Variants in TUBA1C observed in about 807,000 individuals in gnomAD.
The protein encoded by TUBA1C is tubulin alpha 1c.
In TUBA1C, 16 loss-of-function variants were observed where a neutral mutation model predicts 34.9. That is an observed-to-expected ratio of 0.46 (90% CI 0.31 to 0.70). The LOEUF (loss-of-function observed/expected upper bound fraction) is 0.70, where lower values mean the gene tolerates loss of function less well. Ranked by LOEUF, TUBA1C falls within the 30% of genes least tolerant of loss-of-function variation. TUBA1C has a pLI of 0.05. For synonymous variants in TUBA1C, 177 were observed against 215.9 expected, an observed-to-expected ratio of 0.82 and a Z score of 1.58; for missense variants, 329 against 587.3, an observed-to-expected ratio of 0.56 and a Z score of 4.55.
chr12:49,249,283 C>T (rs1169806628), intron 1 of TUBA1C, among the ~76,000 whole-genome samples: 1 of 151,938 alleles, frequency 6.6e-6, no homozygotes, highest in Non-Finnish European at 1.5e-5. Flanking sequence ...CAAAATTAGC[C>T]GGGTGTGGTG....
At chr12:49,255,431 T>TATATATATATATA in intron 1 of TUBA1C, among the ~76,000 whole-genome samples, 2 of 149,186 alleles carry the variant, frequency 1.3e-5, no homozygotes, top group African/African-American at 4.9e-5. Flanking sequence ...TATATATATA[T>TATATATATATATA]TTCTCTGATA....
At chr12:49,228,195 A>G (rs1479432857) in intron 1 of TUBA1C, 1 of 1,532,526 alleles carries the variant, frequency 6.5e-7, no homozygotes, top group East Asian at 2.4e-5. Flanking sequence ...TGTAATGTAA[A>G]TAGCTTCATC....
At chr12:49,235,152 CAA>C (rs1486439488) in intron 1 of TUBA1C, among the ~76,000 whole-genome samples, 1 of 151,024 alleles carries the variant, frequency 6.6e-6, no homozygotes, top group East Asian at 1.9e-4. Context: ...ATTGCGTAAT[CAA>C]AAAGTCTTTT....
At chr12:49,246,058 C>A (rs890075085) in intron 1 of TUBA1C, among the ~76,000 whole-genome samples, 1 of 152,110 alleles carries the variant, frequency 6.6e-6, no homozygotes, top group Non-Finnish European at 1.5e-5. Context: ...GCATGCGCCA[C>A]CACGCCCACC....
At chr12:49,239,062 C>T (rs1399674388) in intron 1 of TUBA1C, among the ~76,000 whole-genome samples, 1 of 152,192 alleles carries the variant, frequency 6.6e-6, no homozygotes, top group Non-Finnish European at 1.5e-5. Flanking sequence ...TGGCTGGTTC[C>T]CCTGGCAACC....
intron 1 of TUBA1C, among the ~76,000 whole-genome samples, chr12:49,252,162 T>C (rs1273945278): frequency 6.6e-6 from 1 of 152,220 alleles, no homozygotes; most frequent in African/African-American, 2.4e-5. Flanking sequence ...CAGAATATGA[T>C]GCTAGGTGGC....
At chr12:49,271,675 T>C (rs149866706) in intron 3 of TUBA1C, among the ~76,000 whole-genome samples, 21 of 152,220 alleles carry the variant, frequency 1.4e-4, no homozygotes, top group Non-Finnish European at 2.9e-4. Context: ...TATTCTGTTG[T>C]TCCACCTCAG....
chr12:49,253,602 A>G (rs1289341713), intron 1 of TUBA1C, among the ~76,000 whole-genome samples: 1 of 152,144 alleles, frequency 6.6e-6, no homozygotes, highest in African/African-American at 2.4e-5. Flanking sequence ...TGGCACCAAC[A>G]TGGCTAACTT....
chr12:49,229,819 G>C (rs759706818), intron 1 of TUBA1C, among the ~76,000 whole-genome samples: 2 of 151,722 alleles, frequency 1.3e-5, no homozygotes, highest in African/African-American at 2.4e-5. Flanking sequence ...TTGAGATGGA[G>C]TCTTGCTCTG....
intron 1 of TUBA1C, among the ~76,000 whole-genome samples, chr12:49,266,824 G>C (rs1472283335): frequency 3.3e-5 from 5 of 152,292 alleles, no homozygotes; most frequent in South Asian, 2.1e-4. Flanking sequence ...ACTCCAGCGA[G>C]ACCTTATCTC....
At chr12:49,236,189 A>G (rs937879283) in intron 1 of TUBA1C, among the ~76,000 whole-genome samples, 1 of 152,254 alleles carries the variant, frequency 6.6e-6, no homozygotes, top group Non-Finnish European at 1.5e-5. Flanking sequence ...TTTTCTATTT[A>G]GAAGACTTCA....
At chr12:49,266,255 C>G (rs966234876) in intron 1 of TUBA1C, among the ~76,000 whole-genome samples, 2 of 131,680 alleles carry the variant, frequency 1.5e-5, no homozygotes, top group African/African-American at 5.8e-5. Context: ...GAAACCCCGT[C>G]TCTACTAAAA....
chr12:49,239,684 T>C (rs1423251535), intron 1 of TUBA1C, among the ~76,000 whole-genome samples: 1 of 149,572 alleles, frequency 6.7e-6, no homozygotes, highest in Non-Finnish European at 1.5e-5. Flanking sequence ...TGAAGCTGGG[T>C]GCAGCTGCGT....
At chr12:49,265,259 A>T (rs1942890144) in intron 1 of TUBA1C, 75 bp downstream of exon 1, 1 of 1,328,964 alleles carries the variant, frequency 7.5e-7, no homozygotes, top group East Asian at 2.5e-5. Flanking sequence ...TACTGCCTGC[A>T]CCTCGGGCCG....
In TUBA1C at chr12:49,269,848, T is replaced by C. The variant is rs1457614465; in HGVS notation, c.247T>C (p.Tyr83His). The C allele has an allele frequency of 6.2e-7, 1 of 1,613,654 alleles. No individual in the cohort carries two copies. The highest frequency in any genetic ancestry group is 1.3e-5 in the African/African-American group (1 of 74,740). ...TVIDEVRTGT[Y>H]RQLFHPEQLI... ...TCCAGATGAAGTTCGCACTGGCACT[T>C]ACCGCCAGCTCTTCCACCCTGAGCA... The change falls in exon 3 of 4, where the codon TAC becomes CAC. Residue 83 changes from tyrosine (Y) to histidine (H), a missense_variant. Transcript: ENST00000301072.
chr12:49,264,383 G>T (rs1592284644), upstream of TUBA1C, among the ~76,000 whole-genome samples: 1 of 152,344 alleles, frequency 6.6e-6, no homozygotes, highest in African/African-American at 2.4e-5. Flanking sequence ...CAACCAAAAA[G>T]GTGGGAATAG....
chr12:49,257,720 A>G (rs912081597), intron 1 of TUBA1C, among the ~76,000 whole-genome samples: 3 of 152,064 alleles, frequency 2.0e-5, no homozygotes, highest in Non-Finnish European at 4.4e-5. Flanking sequence ...TTGAGGCTGC[A>G]GTGAGTCGTG....
At chr12:49,270,002 G>A in intron 3 of TUBA1C, 26 bp downstream of exon 3, 1 of 1,614,192 alleles carries the variant, frequency 6.2e-7, no homozygotes, top group South Asian at 1.1e-5. Context: ...TAAATAAAGT[G>A]GGATGAGAGT....
chr12:49,232,187 C>T (rs1037683133), intron 1 of TUBA1C, among the ~76,000 whole-genome samples: 1 of 152,208 alleles, frequency 6.6e-6, no homozygotes, highest in Non-Finnish European at 1.5e-5. Flanking sequence ...AGAGCAGAAA[C>T]TGTCTGAAAG....
Sources: gnomAD v4.1 joint callset for allele counts (sites outside exome capture counted in the v4.1 genomes callset) on GRCh38, gnomAD v4.1.1 for gene constraint, MANE v1.5 for transcripts, NCBI Gene and HGNC (gene_info 2026-07-23, HGNC 2026-07-21) for gene names.